The following BMP5 variants were observed in gnomAD, a reference collection of about 807,000 sequenced individuals.
BMP5 encodes bone morphogenetic protein 5.
Under a neutral mutation model 46.6 loss-of-function variants are expected in BMP5, and 23 were observed. The observed-to-expected ratio is 0.49, with a 90% CI of 0.35 to 0.70. The LOEUF (loss-of-function observed/expected upper bound fraction) is 0.70. Among genes scored for constraint, BMP5 ranks in the 30% least tolerant of loss-of-function variants. The pLI is 0.00. For synonymous variants in BMP5, 204 were observed against 191.9 expected (o/e 1.06, Z -0.52); for missense variants, 545 against 565.6 (o/e 0.96, Z 0.37).
intron 2 of BMP5, 48 bp from the exon 3 acceptor site, chr6:55,794,475 T>C (rs1390397738): frequency 6.4e-7 from 1 of 1,570,936 alleles, no homozygotes; most frequent in Admixed American, 1.7e-5. Context: ...TAAATGAACA[T>C]CATTATTTCC....
intron 1 of BMP5, among the ~76,000 whole-genome samples, chr6:55,840,957 CA>C: frequency 8.3e-6 from 1 of 121,040 alleles, no homozygotes; most frequent in Non-Finnish European, 1.8e-5. Flanking sequence ...GGCCGCACAG[CA>C]GGAGAGGAGG....
chr6:55,766,660 G>T (rs1774923404), intron 4 of BMP5, among the ~76,000 whole-genome samples: 1 of 151,986 alleles, frequency 6.6e-6, no homozygotes, highest in South Asian at 2.1e-4. Context: ...ATGCATATCT[G>T]GTTATGATTC....
At chr6:55,793,440 C>CA (rs536228887) in intron 3 of BMP5, among the ~76,000 whole-genome samples, 27 of 152,226 alleles carry the variant, frequency 1.8e-4, no homozygotes, top group Non-Finnish European at 3.4e-4. Flanking sequence ...ATGCAAGTCT[C>CA]ATAAAGCCAT....
intron 4 of BMP5, among the ~76,000 whole-genome samples, chr6:55,764,347 G>A (rs949164949): frequency 2.6e-5 from 4 of 152,156 alleles, no homozygotes; most frequent in Non-Finnish European, 5.9e-5. Context: ...GCCAAGGAGG[G>A]CGGATCACGA....
intron 4 of BMP5, among the ~76,000 whole-genome samples, chr6:55,773,577 G>C (rs894588950): frequency 6.6e-6 from 1 of 151,032 alleles, no homozygotes; most frequent in Admixed American, 6.6e-5. Flanking sequence ...TAATGAAAAG[G>C]TAAATATTTT....
chr6:55,781,838 T>C (rs1301942909), intron 3 of BMP5, among the ~76,000 whole-genome samples: 1 of 152,010 alleles, frequency 6.6e-6, no homozygotes, highest in Non-Finnish European at 1.5e-5. Flanking sequence ...CTCAAACTCC[T>C]GACCACAGGT....
intron 2 of BMP5, among the ~76,000 whole-genome samples, chr6:55,810,994 C>T (rs188098331): frequency 6.4e-4 from 97 of 152,266 alleles, no homozygotes; most frequent in African/African-American, 2.2e-3. Flanking sequence ...AGGTAAGAAC[C>T]TCTAAAATAG....
chr6:55,805,919 T>C (rs778621289), intron 2 of BMP5, among the ~76,000 whole-genome samples: 5 of 152,100 alleles, frequency 3.3e-5, no homozygotes, highest in Admixed American at 6.6e-5. Flanking sequence ...TGGGGTTATT[T>C]TTTTTTCCTT....
chr6:55,820,179 A>C (rs1424563724), intron 1 of BMP5, among the ~76,000 whole-genome samples: 1 of 152,146 alleles, frequency 6.6e-6, no homozygotes, highest in Non-Finnish European at 1.5e-5. Context: ...TTTTATACAG[A>C]AATTCTGAAT....
At chr6:55,802,885 T>G (rs1397169669) in intron 2 of BMP5, among the ~76,000 whole-genome samples, 1 of 151,506 alleles carries the variant, frequency 6.6e-6, no homozygotes, top group Non-Finnish European at 1.5e-5. Flanking sequence ...ATTTCAGTAT[T>G]GAAATTACAA....
intron 3 of BMP5, among the ~76,000 whole-genome samples, chr6:55,787,642 A>G (rs932326888): frequency 1.8e-4 from 27 of 151,686 alleles, no homozygotes; most frequent in Non-Finnish European, 2.8e-4. Context: ...CATAGCTGTA[A>G]CAGTTGTCAA....
At chr6:55,774,685 G>A (rs967390718) in intron 3 of BMP5, among the ~76,000 whole-genome samples, 5 of 151,962 alleles carry the variant, frequency 3.3e-5, no homozygotes, top group Non-Finnish European at 7.4e-5. Context: ...CAGCCTATTC[G>A]AAGCCTTTCA....
At chr6:55,800,834 GGATC>G (rs1280024570) in intron 2 of BMP5, among the ~76,000 whole-genome samples, 2 of 152,052 alleles carry the variant, frequency 1.3e-5, no homozygotes, top group African/African-American at 4.8e-5. Context: ...GCCAATAGGG[GGATC>G]AGAACCCAGT....
intron 2 of BMP5, among the ~76,000 whole-genome samples, chr6:55,812,895 T>C (rs1776168073): frequency 6.6e-6 from 1 of 152,234 alleles, no homozygotes; most frequent in South Asian, 2.1e-4. Flanking sequence ...TAAAGTATTT[T>C]TAATGCAATA....
chr6:55,755,397 G>A lies in BMP5; in HGVS notation c.*136C>T. The A allele has an allele frequency of 2.6e-6, 2 of 759,610 alleles. No individual in the cohort carries two copies. Among genetic ancestry groups the A allele is most frequent in the Non-Finnish European group, 4.3e-6 (2 of 459,976 alleles). The allele number at this position is 759,610 out of a possible 1,614,324, so 47.1% of individuals were successfully genotyped here. A position where few individuals can be genotyped will look rare whatever the true frequency, so the allele number is the denominator to read the frequency against. ...AATAAATAAAAATGACTATATACAT[G>A]ATATTGTACATAGGAAAAGAGTCAA... On this transcript the variant is annotated 3_prime_UTR_variant, in exon 7 of 7. Coordinates refer to ENST00000370830, the MANE Select transcript of BMP5 (RefSeq NM_021073.4).
chr6:55,863,253 C>A (rs949753566), intron 1 of BMP5, among the ~76,000 whole-genome samples: 1 of 152,068 alleles, frequency 6.6e-6, no homozygotes, highest in African/African-American at 2.4e-5. Context: ...TATAAAGATG[C>A]TTTTAAAAAA....
intron 1 of BMP5, among the ~76,000 whole-genome samples, chr6:55,868,235 C>T (rs1282585221): frequency 6.6e-6 from 1 of 152,144 alleles, no homozygotes; most frequent in East Asian, 1.9e-4. Context: ...AAACTATTTT[C>T]TTTATTCCTA....
chr6:55,783,030 G>A lies in BMP5; in HGVS notation c.833-8787C>T, dbSNP rs1351566689. Among the ~76,000 whole-genome samples, 6 of 152,016 alleles carry A rather than the reference G, an allele frequency of 3.9e-5. No individual in the cohort carries two copies. The East Asian group carries it at 1.2e-3, about 29-fold the overall frequency. ...TATTTTCACCTTGAGAAGAATGGAG[G>A]AAAAATAGCCTGTCAGTGGCATACG... On this transcript the variant is annotated intron_variant, in intron 3 of 6. Transcript: ENST00000370830.
At chr6:55,815,607 A>G (rs973448857) in intron 2 of BMP5, among the ~76,000 whole-genome samples, 5 of 152,154 alleles carry the variant, frequency 3.3e-5, no homozygotes, top group Non-Finnish European at 7.4e-5. Flanking sequence ...CTGAAACAAT[A>G]CGTAGCTATA....
Sources: gnomAD v4.1 joint callset for allele counts (sites outside exome capture counted in the v4.1 genomes callset) on GRCh38, gnomAD v4.1.1 for gene constraint, MANE v1.5 for transcripts, NCBI Gene and HGNC (gene_info 2026-07-23, HGNC 2026-07-21) for gene names.